The following SYNDIG1 variants were observed in gnomAD, a reference collection of about 807,000 sequenced individuals.
The protein encoded by SYNDIG1 is synapse differentiation-inducing gene protein 1.
SYNDIG1 carries 9 observed loss-of-function variants against 19.4 expected under a neutral mutation model. That is an observed-to-expected ratio of 0.46 (90% CI 0.28 to 0.81). The LOEUF is 0.81. Ranked by LOEUF, SYNDIG1 falls within the 30% of genes least tolerant of loss-of-function variation. The pLI is 0.12. For missense variants in SYNDIG1, 311 were observed against 343.3 expected (o/e 0.91, Z 0.74); for synonymous variants, 141 against 145.9 (o/e 0.97, Z 0.24).
At chr20:24,527,490 G>GTTCTT (rs1346153021) in intron 1 of SYNDIG1, among the ~76,000 whole-genome samples, 1 of 149,858 alleles carries the variant, frequency 6.7e-6, no homozygotes, top group African/African-American at 2.5e-5. Flanking sequence ...GTCCAGAGTT[G>GTTCTT]TTCTTTTCTT....
intron 1 of SYNDIG1, among the ~76,000 whole-genome samples, chr20:24,517,391 A>C (rs1276671679): frequency 6.6e-6 from 1 of 150,578 alleles, no homozygotes; most frequent in Non-Finnish European, 1.5e-5. Context: ...CGAGGCGGGC[A>C]GATCACAAGG....
At chr20:24,478,434 C>T (rs116657511) in intron 1 of SYNDIG1, among the ~76,000 whole-genome samples, 1,616 of 152,322 alleles carry the variant, frequency 0.011, 28 homozygotes, top group African/African-American at 0.035. Context: ...CCCAACGTGC[C>T]GTCCAGCCTC....
chr20:24,541,807 T>C (rs1328886013), intron 1 of SYNDIG1, among the ~76,000 whole-genome samples: 1 of 152,120 alleles, frequency 6.6e-6, no homozygotes, highest in Non-Finnish European at 1.5e-5. Flanking sequence ...ATAAAGGGAA[T>C]TGGAAGAACA....
In SYNDIG1 at chr20:24,515,662, C is replaced by G. The variant is rs536976499; in HGVS notation, c.-78-27358C>G. ...TGAAGGACCTCTTCAAGGAGAACTA[C>G]AAACCACTGCTCAATGAAATAAAAG... is the stretch of plus-strand genomic sequence containing the variant. On this transcript the variant is annotated intron_variant, in intron 1 of 3. Coordinates refer to ENST00000376862, the MANE Select transcript of SYNDIG1 (RefSeq NM_024893.3). Among the ~76,000 whole-genome samples, 131 of 152,108 alleles carry G rather than the reference C, an allele frequency of 8.6e-4. 1 individual carries two copies. Among genetic ancestry groups the G allele is most frequent in the African/African-American group, 3.0e-3 (125 of 41,492 alleles).
chr20:24,498,058 C>T (rs1381726877), intron 1 of SYNDIG1, among the ~76,000 whole-genome samples: 1 of 152,238 alleles, frequency 6.6e-6, no homozygotes, highest in Non-Finnish European at 1.5e-5. Flanking sequence ...GCCCTCATTC[C>T]AGGGTGGTTT....
At chr20:24,651,793 T>G (rs1232954176) in intron 3 of SYNDIG1, among the ~76,000 whole-genome samples, 1 of 152,238 alleles carries the variant, frequency 6.6e-6, no homozygotes, top group Non-Finnish European at 1.5e-5. Context: ...CTCCTGTGGC[T>G]GATAACCAGG....
chr20:24,504,533 T>C (rs1006594439), intron 1 of SYNDIG1, among the ~76,000 whole-genome samples: 1 of 152,154 alleles, frequency 6.6e-6, no homozygotes, highest in Non-Finnish European at 1.5e-5. Context: ...GCTCTAGGTC[T>C]CCATCTGTGG....
chr20:24,658,412 C>T lies in SYNDIG1; in HGVS notation c.619-6934C>T, dbSNP rs1469291891. Among the ~76,000 whole-genome samples the T allele has an allele frequency of 2.0e-5, 3 of 152,070 alleles. No homozygotes were observed. The East Asian group carries it at 5.8e-4, about 29-fold the overall frequency. On this transcript the variant is annotated intron_variant, in intron 3 of 3. Transcript: ENST00000376862. This position sits in a 1 kb window ranked among gnomAD's most constrained non-coding sequence, Gnocchi z 4.4. ...TGATGGCCGGTGCTCCTCCCCGTGA[C>T]AGATTCCACACAGGAGCTGCAGGCC...
At chr20:24,661,124 T>G (rs1211246488) in intron 3 of SYNDIG1, among the ~76,000 whole-genome samples, 25 of 152,240 alleles carry the variant, frequency 1.6e-4, no homozygotes, top group Admixed American at 1.6e-3. Context: ...GGCACAGGCC[T>G]TGAGGCATCT....
At chr20:24,615,956 T>C (rs2058926204) in intron 3 of SYNDIG1, among the ~76,000 whole-genome samples, 1 of 152,034 alleles carries the variant, frequency 6.6e-6, no homozygotes, top group Admixed American at 6.5e-5. Flanking sequence ...TACCTGAAAT[T>C]TAGCACTTCC....
chr20:24,545,715 T>C (rs1468273885), intron 2 of SYNDIG1, among the ~76,000 whole-genome samples: 1 of 152,122 alleles, frequency 6.6e-6, no homozygotes, highest in Non-Finnish European at 1.5e-5. Context: ...TGACAAGTAG[T>C]ATAGACTTCT....
At chr20:24,569,528 G>A (rs774380179) in intron 2 of SYNDIG1, among the ~76,000 whole-genome samples, 1 of 152,186 alleles carries the variant, frequency 6.6e-6, no homozygotes, top group East Asian at 1.9e-4. Flanking sequence ...AAGGGTCTCA[G>A]CTAGGAAGGG....
At chr20:24,576,954 A>G (rs570254143) in intron 2 of SYNDIG1, among the ~76,000 whole-genome samples, 1 of 152,324 alleles carries the variant, frequency 6.6e-6, no homozygotes, top group South Asian at 2.1e-4. Flanking sequence ...GCAGTTTTAA[A>G]GTGGAGGGGT....
intron 3 of SYNDIG1, among the ~76,000 whole-genome samples, chr20:24,600,804 G>T (rs2026566): frequency 1.3e-5 from 2 of 151,828 alleles, no homozygotes; most frequent in East Asian, 3.9e-4. Context: ...TAGTAAAGAC[G>T]GAGTTTCACC....
intron 2 of SYNDIG1, among the ~76,000 whole-genome samples, chr20:24,563,655 G>A (rs1261634410): frequency 6.6e-6 from 1 of 152,202 alleles, no homozygotes; most frequent in East Asian, 1.9e-4. Context: ...AGGCTGGAGT[G>A]CAGTGGCACA....
At chr20:24,626,105 A>G (rs1287693338) in intron 3 of SYNDIG1, among the ~76,000 whole-genome samples, 4 of 140,606 alleles carry the variant, frequency 2.8e-5, no homozygotes, top group Non-Finnish European at 6.2e-5. Flanking sequence ...CTCACTTCCC[A>G]GTAGGGGCAG....
At chr20:24,629,969 T>C (rs544367046) in intron 3 of SYNDIG1, among the ~76,000 whole-genome samples, 26 of 152,300 alleles carry the variant, frequency 1.7e-4, no homozygotes, top group African/African-American at 5.8e-4. Context: ...TACTTTGAGG[T>C]CATGCACAAG....
intron 2 of SYNDIG1, among the ~76,000 whole-genome samples, chr20:24,571,860 C>T (rs756447359): frequency 6.6e-6 from 1 of 152,158 alleles, no homozygotes; most frequent in African/African-American, 2.4e-5. Context: ...GATCTTAAAG[C>T]CTGAAACTTA....
chr20:24,659,370 A>T (rs574987050), intron 3 of SYNDIG1, among the ~76,000 whole-genome samples: 54 of 152,190 alleles, frequency 3.5e-4, no homozygotes, highest in Non-Finnish European at 6.5e-4. Flanking sequence ...GTAGGGGGAA[A>T]GTCTGCCGTC....
Sources: allele counts gnomAD v4.1 joint callset (sites outside exome capture counted in the v4.1 genomes callset), GRCh38; gene constraint gnomAD v4.1.1; non-coding constraint Gnocchi (gnomAD v3.1); transcripts MANE v1.5; gene names NCBI Gene and HGNC (gene_info 2026-07-23, HGNC 2026-07-21).